The following ADAM9 variants were observed in gnomAD, a reference collection of about 807,000 sequenced individuals.
The protein encoded by ADAM9 is ADAM metallopeptidase domain 9.
ADAM9 carries 54 observed loss-of-function variants against 108.1 expected under a neutral mutation model. The observed-to-expected ratio is 0.50, with a 90% CI of 0.40 to 0.63. The LOEUF is 0.63. Ranked by LOEUF, ADAM9 falls within the 20% of genes least tolerant of loss-of-function variation. ADAM9 has a pLI of 0.00. For missense variants in ADAM9, 830 were observed against 997.7 expected, an observed-to-expected ratio of 0.83 and a Z score of 2.26; for synonymous variants, 316 against 336.0, an observed-to-expected ratio of 0.94 and a Z score of 0.65.
chr8:39,012,923 T>C (rs1403350728), intron 3 of ADAM9, among the ~76,000 whole-genome samples: 1 of 152,110 alleles, frequency 6.6e-6, no homozygotes, highest in Admixed American at 6.6e-5. Flanking sequence ...TGTACACATG[T>C]ACCCTAGAAC....
intron 20 of ADAM9, among the ~76,000 whole-genome samples, chr8:39,096,948 T>G (rs916959741): frequency 2.0e-5 from 3 of 152,230 alleles, no homozygotes; most frequent in African/African-American, 7.2e-5. Context: ...TGAACATCAT[T>G]ATGATGGTAA....
chr8:39,016,125 G>T lies in ADAM9; in HGVS notation c.341G>T (p.Cys114Phe). ...ITDHPNIQNH[C>F]HYRGYVEGVH... The stretch of plus-strand genomic sequence containing the variant: ...ACAGTATTTTTCATTTAGAATCATT[G>T]TCATTATCGGGGCTATGTGGAGGGA... The change falls in exon 5 of 22, where the codon TGT becomes TTT. Residue 114 changes from cysteine to phenylalanine, a missense_variant. Around this residue, in one of 3 missense-constraint regions of ADAM9, gnomAD observed 211 missense variants for 222.2 expected, o/e 0.95. Transcript: ENST00000487273. 5 of 1,613,410 alleles carry T rather than the reference G, an allele frequency of 3.1e-6. No individual in the cohort carries two copies. The highest frequency in any genetic ancestry group is 4.2e-6 in the Non-Finnish European group (5 of 1,179,464).
At chr8:39,063,605 C>T (rs1239793378) in intron 14 of ADAM9, among the ~76,000 whole-genome samples, 1 of 152,134 alleles carries the variant, frequency 6.6e-6, no homozygotes, top group African/African-American at 2.4e-5. Flanking sequence ...TCCTGTAGTC[C>T]CAGCTACTTG....
chr8:39,011,726 T>G lies in ADAM9; in HGVS notation c.254+10T>G. The G allele has an allele frequency of 1.9e-6, 3 of 1,605,114 alleles. No individual in the cohort carries two copies. Among genetic ancestry groups the G allele is most frequent in the Non-Finnish European group, 2.6e-6 (3 of 1,171,964 alleles). ...ACTTGGAAAGGAACAAGTAAGACAT[T>G]TAATTTATTTTGGCTTTTCAGTAAT... is the stretch of plus-strand genomic sequence containing the variant. On this transcript the variant is annotated intron_variant, in intron 3 of 21. Coordinates refer to ENST00000487273, the MANE Select transcript of ADAM9 (RefSeq NM_003816.3).
At chr8:39,014,232 C>A in intron 4 of ADAM9, 189 bp downstream of exon 4, 1 of 598,504 alleles carries the variant, frequency 1.7e-6, no homozygotes, top group South Asian at 2.2e-5. Context: ...TACAGCTCTC[C>A]AGGTACTCAG....
intron 11 of ADAM9, among the ~76,000 whole-genome samples, chr8:39,031,330 G>A (rs772858130): frequency 3.6e-4 from 55 of 152,236 alleles, no homozygotes; most frequent in Non-Finnish European, 7.2e-4. Context: ...ATCTTTTATT[G>A]TATTGCCTTT....
intron 8 of ADAM9, 78 bp from the exon 9 acceptor site, chr8:39,023,078 C>T (rs548830074): frequency 1.7e-5 from 21 of 1,255,134 alleles, no homozygotes; most frequent in East Asian, 1.5e-4. Flanking sequence ...TTTAAGTAGC[C>T]GTGTTACTTC....
chr8:39,024,174 C>T (rs999792463), intron 9 of ADAM9, among the ~76,000 whole-genome samples: 6 of 152,148 alleles, frequency 3.9e-5, no homozygotes, highest in Non-Finnish European at 7.4e-5. Flanking sequence ...CTGTTTTTCC[C>T]CGTCACTGGA....
At chr8:39,032,098 G>A (rs1379303588) in intron 11 of ADAM9, among the ~76,000 whole-genome samples, 1 of 152,254 alleles carries the variant, frequency 6.6e-6, no homozygotes, top group Admixed American at 6.5e-5. Context: ...CTACTGGGAA[G>A]TGTCTCCCAG....
Position 39,083,066 on chromosome 8 carries a change from A to C in ADAM9, c.2061A>C (p.Thr687=). 6.2e-7 allele frequency: 1 copy of C among 1,613,450 alleles called. No homozygotes were observed. The highest frequency in any genetic ancestry group is 8.5e-7 in the Non-Finnish European group (1 of 1,179,440). The change falls in exon 18 of 22, where the codon ACA becomes ACC. Residue 687 remains threonine (T), a synonymous_variant. Transcript: ENST00000487273. Reference sequence around the variant, plus strand: ...GAGGAAGTGTGGACAGTGGACCTACATACAATGGCAAGTAATATAGAAGAA... The same window carrying C: ...GAGGAAGTGTGGACAGTGGACCTACCTACAATGGCAAGTAATATAGAAGAA... ...GYGGSVDSGP[T]YNEMNTALRD... is the part of the protein sequence containing the mutation.
At position 38,997,027 on chromosome 8, in the gene ADAM9, G is replaced by T. The variant is rs1319752748; in HGVS notation, c.-37G>T. ...TGATGGAAGAGGCGGAGGTGGAGGC[G>T]ACCGAGTGCTGAGAGGAACCTGCGG... On this transcript the variant is annotated 5_prime_UTR_variant, in exon 1 of 22. Coordinates refer to ENST00000487273, the MANE Select transcript of ADAM9 (RefSeq NM_003816.3). The T allele has an allele frequency of 6.3e-7, 1 of 1,599,674 alleles. No homozygotes were observed. Among genetic ancestry groups the T allele is most frequent in the Non-Finnish European group, 8.5e-7 (1 of 1,177,712 alleles).
intron 12 of ADAM9, among the ~76,000 whole-genome samples, chr8:39,043,625 T>G (rs1388594606): frequency 3.3e-5 from 5 of 152,180 alleles, no homozygotes; most frequent in African/African-American, 1.2e-4. Context: ...TTTTTTTGTT[T>G]CTTTTAACAT....
rs1305907362 is a variant in ADAM9 at position 39,074,178 on chromosome 8, C to A, written c.1697+2775C>A. ...TACCCATTGAAACTACCAAAAACAT[C>A]TAGAAACATTTAAAGAAAGGATTCA... is the stretch of plus-strand genomic sequence containing the variant. On this transcript the variant is annotated intron_variant, in intron 15 of 21. Transcript: ENST00000487273. Among the ~76,000 whole-genome samples, 5 of 152,162 alleles carry A rather than the reference C, an allele frequency of 3.3e-5. No homozygotes were observed. In the East Asian group the frequency reaches 9.6e-4, roughly 29 times the overall value.
intron 11 of ADAM9, among the ~76,000 whole-genome samples, chr8:39,030,805 G>C (rs1166702270): frequency 6.6e-6 from 1 of 152,186 alleles, no homozygotes; most frequent in East Asian, 1.9e-4. Flanking sequence ...TAGGCATGTA[G>C]TGGTATCTCA....
intron 14 of ADAM9, among the ~76,000 whole-genome samples, chr8:39,057,724 G>C (rs1306870848): frequency 6.6e-6 from 1 of 152,116 alleles, no homozygotes; most frequent in Non-Finnish European, 1.5e-5. Context: ...TTTCGTTCAA[G>C]TTTAAAATTG....
At chr8:39,101,042 G>C (rs1416064839) in intron 20 of ADAM9, among the ~76,000 whole-genome samples, 1 of 152,084 alleles carries the variant, frequency 6.6e-6, no homozygotes, top group Admixed American at 6.5e-5. Flanking sequence ...GTATAGGTTT[G>C]GCAATACATT....
At chr8:39,027,506 T>A (rs1836960165) in intron 11 of ADAM9, among the ~76,000 whole-genome samples, 1 of 152,152 alleles carries the variant, frequency 6.6e-6, no homozygotes, top group Non-Finnish European at 1.5e-5. Context: ...GAAACTGAGG[T>A]CACACATCCA....
At chr8:39,015,982 G>C in intron 4 of ADAM9, 136 bp from the exon 5 acceptor site, 1 of 770,352 alleles carries the variant, frequency 1.3e-6, no homozygotes, top group Admixed American at 2.1e-5. Flanking sequence ...GATACTGTGA[G>C]ATGCCAATAA....
At position 39,033,577 on chromosome 8, in the gene ADAM9, A is replaced by T. The variant is rs142163287; in HGVS notation, c.1130+6767A>T. Among the ~76,000 whole-genome samples the T allele has an allele frequency of 3.4e-3, 513 of 151,940 alleles. 2 individuals carry two copies. Among genetic ancestry groups the T allele is most frequent in the Non-Finnish European group, 4.9e-3 (336 of 67,944 alleles). On this transcript the variant is annotated intron_variant, in intron 11 of 21. Coordinates refer to ENST00000487273, the MANE Select transcript of ADAM9 (RefSeq NM_003816.3). The stretch of plus-strand genomic sequence containing the variant: ...CCAAATTGAAAATATATGTCTTATA[A>T]TTATATCACTTAATATATTTATATT...
Sources: gnomAD v4.1 joint callset for allele counts (sites outside exome capture counted in the v4.1 genomes callset) on GRCh38, gnomAD v4.1.1 for gene constraint, gnomAD v4.1.1 regional missense constraint, MANE v1.5 for transcripts, NCBI Gene and HGNC (gene_info 2026-07-23, HGNC 2026-07-21) for gene names.